The following ZBTB7C variants were observed in gnomAD, a reference collection of about 807,000 sequenced individuals.
ZBTB7C encodes zinc finger and BTB domain-containing protein 7C.
A neutral mutation model predicts 25.7 loss-of-function variants in ZBTB7C; 8 were observed. The ratio of observed to expected loss-of-function variants is 0.31; its 90% confidence interval spans 0.18 to 0.56. The LOEUF is 0.56. ZBTB7C is among the 20% of genes least tolerant of loss of function. The pLI is 0.91. For missense variants in ZBTB7C, 824 were observed against 855.2 expected (o/e 0.96, Z 0.46); for synonymous variants, 394 against 369.0 (o/e 1.07, Z -0.78).
At chr18:48,202,272 C>T (rs1301425723) in intron 2 of ZBTB7C, among the ~76,000 whole-genome samples, 2 of 152,138 alleles carry the variant, frequency 1.3e-5, no homozygotes, top group African/African-American at 4.8e-5. Flanking sequence ...CCCAAAGCCT[C>T]ATGGGCAGGG....
intron 2 of ZBTB7C, among the ~76,000 whole-genome samples, chr18:48,243,962 G>C (rs536192076): frequency 6.6e-6 from 1 of 152,264 alleles, no homozygotes; most frequent in South Asian, 2.1e-4. Context: ...TGAGATAATT[G>C]GCAAGCCACA....
At chr18:48,334,696 C>A (rs1306651401) in intron 2 of ZBTB7C, among the ~76,000 whole-genome samples, 1 of 152,104 alleles carries the variant, frequency 6.6e-6, no homozygotes, top group Non-Finnish European at 1.5e-5. Context: ...AGCCATATTT[C>A]GTGACAATAA....
chr18:48,199,654 G>GCTCCTCCTCATTCTCCTCCTC (rs2145195336), intron 2 of ZBTB7C, among the ~76,000 whole-genome samples: 1 of 129,784 alleles, frequency 7.7e-6, no homozygotes, highest in African/African-American at 3.0e-5. Context: ...TCCCCCTCCC[G>GCTCCTCCTCATTCTCCTCCTC]CTCCTCCTCA....
At chr18:48,209,675 G>A (rs1018160170) in intron 2 of ZBTB7C, among the ~76,000 whole-genome samples, 4 of 151,810 alleles carry the variant, frequency 2.6e-5, no homozygotes, top group Admixed American at 6.6e-5. Flanking sequence ...AGGATTGCTT[G>A]AACCCAGGAG....
intron 2 of ZBTB7C, among the ~76,000 whole-genome samples, chr18:48,316,040 TCCCACTCTCCCA>T (rs1568371218): frequency 1.3e-5 from 2 of 152,022 alleles, no homozygotes; most frequent in Admixed American, 6.6e-5. Flanking sequence ...GCAACAGGCT[TCCCACTCTCCCA>T]CCCACTCTCC....
chr18:48,047,651 T>C (rs750816619), intron 3 of ZBTB7C, among the ~76,000 whole-genome samples: 7 of 152,160 alleles, frequency 4.6e-5, no homozygotes, highest in Non-Finnish European at 8.8e-5. Context: ...AAAATGGCAC[T>C]TCCCTCTCTG....
chr18:48,142,505 G>A (rs2040378793), intron 3 of ZBTB7C, among the ~76,000 whole-genome samples: 1 of 152,192 alleles, frequency 6.6e-6, no homozygotes, highest in African/African-American at 2.4e-5. Context: ...TAGGCTGTGC[G>A]GGGTCCCAGA....
At chr18:48,357,243 G>C (rs2046995601) in intron 1 of ZBTB7C, among the ~76,000 whole-genome samples, 1 of 152,246 alleles carries the variant, frequency 6.6e-6, no homozygotes, top group Non-Finnish European at 1.5e-5. Flanking sequence ...GTGGCCAGGA[G>C]GAGGAAGTTA....
chr18:48,145,649 G>C (rs1015285009), intron 3 of ZBTB7C, among the ~76,000 whole-genome samples: 1 of 152,214 alleles, frequency 6.6e-6, no homozygotes, highest in Admixed American at 6.5e-5. Context: ...TGATGATATA[G>C]ATATAGACCA....
At chr18:48,180,526 T>A (rs974388487) in intron 3 of ZBTB7C, 4 of 364,638 alleles carry the variant, frequency 1.1e-5, no homozygotes, top group Non-Finnish European at 2.2e-5. Flanking sequence ...TTGGGAGGGA[T>A]GGTTTCCTTC....
chr18:48,368,162 A>G (rs959761000), intron 1 of ZBTB7C, among the ~76,000 whole-genome samples: 5 of 151,786 alleles, frequency 3.3e-5, no homozygotes, highest in African/African-American at 1.2e-4. Flanking sequence ...TGACAAAGAT[A>G]TTAAAGTAGG....
intron 1 of ZBTB7C, among the ~76,000 whole-genome samples, chr18:48,363,409 A>G (rs2047155460): frequency 6.6e-6 from 1 of 152,138 alleles, no homozygotes; most frequent in Non-Finnish European, 1.5e-5. Flanking sequence ...CCACCCACCT[A>G]GAATTCCTGC....
chr18:48,063,472 C>G (rs771392593), intron 3 of ZBTB7C, among the ~76,000 whole-genome samples: 5 of 152,010 alleles, frequency 3.3e-5, no homozygotes, highest in Non-Finnish European at 5.9e-5. Context: ...GAGGAGCAGA[C>G]AGTAGGGTGA....
rs533914570 is a variant in ZBTB7C at position 48,114,689 on chromosome 18, TG to T, written c.-17+71244del. 1.1e-4 allele frequency among the ~76,000 whole-genome samples: 17 copies of T among 151,822 alleles called. No homozygotes were observed. The South Asian group carries it at 3.5e-3, about 32-fold the overall frequency. On this transcript the variant is annotated intron_variant, in intron 3 of 4. Coordinates refer to ENST00000590800, the MANE Select transcript of ZBTB7C (RefSeq NM_001318841.2). ...TCTCCAATATTACTGACCCCAAAAA[TG>T]GGTAAGTACATCACAGTATATTCAT...
intron 3 of ZBTB7C, among the ~76,000 whole-genome samples, chr18:48,160,393 G>A (rs2036285292): frequency 6.6e-6 from 1 of 152,218 alleles, no homozygotes; most frequent in South Asian, 2.1e-4. Context: ...TTAAAGCACA[G>A]TATAACAGCA....
chr18:48,213,694 C>A (rs577459954), intron 2 of ZBTB7C, among the ~76,000 whole-genome samples: 1 of 152,266 alleles, frequency 6.6e-6, no homozygotes, highest in East Asian at 1.9e-4. Context: ...AAATTTATTA[C>A]CTTCTTATTT....
chr18:48,092,731 C>A (rs1316281325), intron 3 of ZBTB7C, among the ~76,000 whole-genome samples: 2 of 152,186 alleles, frequency 1.3e-5, no homozygotes, highest in African/African-American at 4.8e-5. Flanking sequence ...AGGCCTTGAC[C>A]CACCTCGAAA....
chr18:48,370,726 T>A (rs748343837), intron 1 of ZBTB7C, among the ~76,000 whole-genome samples: 4 of 151,974 alleles, frequency 2.6e-5, no homozygotes, highest in African/African-American at 7.3e-5. Context: ...ACATACAAAC[T>A]CACACACACA....
At chr18:48,197,641 T>C (rs1275791432) in intron 2 of ZBTB7C, among the ~76,000 whole-genome samples, 2 of 152,240 alleles carry the variant, frequency 1.3e-5, no homozygotes, top group Non-Finnish European at 2.9e-5. Context: ...GTTGAGCTTC[T>C]GCTGAGGGCT....
Sources: allele counts gnomAD v4.1 joint callset (sites outside exome capture counted in the v4.1 genomes callset), GRCh38; gene constraint gnomAD v4.1.1; transcripts MANE v1.5; gene names NCBI Gene and HGNC (gene_info 2026-07-23, HGNC 2026-07-21).